The following BAZ2A variants were observed in gnomAD, a reference collection of about 807,000 sequenced individuals.
BAZ2A encodes bromodomain adjacent to zinc finger domain protein 2A.
A neutral mutation model predicts 199.9 loss-of-function variants in BAZ2A; 34 were observed. The ratio of observed to expected loss-of-function variants is 0.17; its 90% CI spans 0.13 to 0.23. BAZ2A has a LOEUF of 0.23. Among genes scored for constraint, BAZ2A ranks in the 10% least tolerant of loss-of-function variants. BAZ2A has a pLI of 1.00. For synonymous variants in BAZ2A, 857 were observed against 883.9 expected (o/e 0.97, Z 0.54); for missense variants, 2,002 against 2,391.1 (o/e 0.84, Z 3.39).
upstream of BAZ2A, among the ~76,000 whole-genome samples, chr12:56,632,215 G>T (rs1214789981): frequency 1.3e-5 from 2 of 152,146 alleles, no homozygotes; most frequent in East Asian, 1.9e-4. Context: ...GAGAAAGGAG[G>T]GCTCTGGCAA....
At chr12:56,623,442 C>T (rs1387888772) in intron 1 of BAZ2A, among the ~76,000 whole-genome samples, 1 of 152,114 alleles carries the variant, frequency 6.6e-6, no homozygotes, top group Non-Finnish European at 1.5e-5. Flanking sequence ...TCATGTAGTA[C>T]ATCAAAATCT....
chr12:56,614,846 G>T, intron 3 of BAZ2A, 168 bp downstream of exon 3: 2 of 723,524 alleles, frequency 2.8e-6, no homozygotes, highest in Non-Finnish European at 2.3e-6. Context: ...TGGTGCTGCT[G>T]CCACAAAAAC....
At chr12:56,625,662 G>T (rs1396287355) in intron 1 of BAZ2A, among the ~76,000 whole-genome samples, 1 of 151,676 alleles carries the variant, frequency 6.6e-6, no homozygotes, top group Non-Finnish European at 1.5e-5. Flanking sequence ...CGGATCATGA[G>T]GTCAGGAGAT....
chr12:56,612,550 T>C (rs185861950), intron 5 of BAZ2A, among the ~76,000 whole-genome samples: 190 of 152,338 alleles, frequency 1.2e-3, no homozygotes, highest in East Asian at 6.7e-3. Flanking sequence ...GGTCGGAGTA[T>C]AGCAGCCTAT....
At chr12:56,628,705 G>C (rs749885211) in intron 1 of BAZ2A, among the ~76,000 whole-genome samples, 2 of 151,990 alleles carry the variant, frequency 1.3e-5, no homozygotes, top group Non-Finnish European at 2.9e-5. Context: ...CCATTTCTTA[G>C]AATCTACCCT....
chr12:56,612,866 C>T, intron 5 of BAZ2A, 149 bp downstream of exon 5: 1 of 856,672 alleles, frequency 1.2e-6, no homozygotes, highest in Non-Finnish European at 1.8e-6. Flanking sequence ...AGGTGATCCA[C>T]CCGCCTCGGC....
At chr12:56,628,881 C>T (rs1273578705) in intron 1 of BAZ2A, among the ~76,000 whole-genome samples, 1 of 152,156 alleles carries the variant, frequency 6.6e-6, no homozygotes, top group African/African-American at 2.4e-5. Flanking sequence ...GCGTACCCCG[C>T]TGGTAGATAA....
intron 10 of BAZ2A, 119 bp from the exon 11 acceptor site, chr12:56,606,852 G>A (rs1267197911): frequency 2.7e-6 from 2 of 747,288 alleles, no homozygotes; most frequent in Non-Finnish European, 4.5e-6. Context: ...AGAATCTAGA[G>A]TAGCTTTTTT....
chr12:56,610,510 T>C lies in BAZ2A; in HGVS notation c.1678A>G (p.Arg560Gly), dbSNP rs1592585652. The part of the protein sequence containing the change: ...VRLPLQHGWR[R>G]EVRIKKGSHR... ...CTGCCCTTCTTGATGCGCACCTCTC[T>C]CCGCCACCTGCCAGAGAAGCACATG... is the stretch of plus-strand genomic sequence containing the variant. Residue 560 changes from arginine (R) to glycine (G), a missense_variant, in exon 8 of 29, where the codon AGA (arginine) becomes GGA (glycine). Transcript: ENST00000549884. The C allele has an allele frequency of 6.2e-7, 1 of 1,610,564 alleles. No individual in the cohort carries two copies. The highest frequency in any genetic ancestry group is 8.5e-7 in the Non-Finnish European group (1 of 1,178,502).
At chr12:56,604,346 G>A in intron 15 of BAZ2A, 55 bp from the exon 16 acceptor site, 1 of 1,523,802 alleles carries the variant, frequency 6.6e-7, no homozygotes, top group Non-Finnish European at 9.0e-7. Context: ...GGGAAAGGAG[G>A]CTCAAGGGTA....
Position 56,611,999 on chromosome 12 carries a change from T to G in BAZ2A, c.1383A>C (p.Pro461=). The G allele has an allele frequency of 6.2e-7, 1 of 1,613,592 alleles. No individual in the cohort carries two copies. The highest frequency in any genetic ancestry group is 8.5e-7 in the Non-Finnish European group (1 of 1,179,774). ...CTGGAGAGACCACTGAGAAGACTGCTGGAGAGACAACTGTAGAAGCTGCGG... is the reference window on the plus strand; with the variant it reads ...CTGGAGAGACCACTGAGAAGACTGCGGGAGAGACAACTGTAGAAGCTGCGG... ...VCPAASTVVS[P]AVFSVVSPAS... The change falls in exon 6 of 29, where the codon CCA becomes CCC. Residue 461 remains proline (P), a synonymous_variant. Transcript: ENST00000549884.
chr12:56,606,360 T>C (rs1408559630), intron 11 of BAZ2A, 48 bp from the exon 12 acceptor site: 1 of 1,605,944 alleles, frequency 6.2e-7, no homozygotes, highest in Non-Finnish European at 8.5e-7. Context: ...TGAAAGCATC[T>C]CTGCTTGGGC....
At chr12:56,607,336 G>A (rs889688816) in intron 10 of BAZ2A, among the ~76,000 whole-genome samples, 8 of 152,170 alleles carry the variant, frequency 5.3e-5, no homozygotes, top group African/African-American at 1.9e-4. Context: ...GCAAACAAGA[G>A]TATTTCATAA....
upstream of BAZ2A, among the ~76,000 whole-genome samples, chr12:56,634,163 T>C (rs1476480058): frequency 6.6e-6 from 1 of 152,144 alleles, no homozygotes; most frequent in East Asian, 1.9e-4. Context: ...GTCGGGGGGC[T>C]TCCTTTGCAT....
Position 56,604,784 on chromosome 12 carries a change from C to A in BAZ2A, c.2764G>T (p.Gly922Trp). Residue 922 changes from glycine (G) to tryptophan (W), a missense_variant, in exon 15 of 29, where the codon GGG (glycine) becomes TGG (tryptophan). By Grantham distance (184) the Gly-to-Trp change is radical (BLOSUM62 -2). Transcript: ENST00000549884. ...AGTGGGATCTCAGACACCTTCTCCC[C>A]CAAGATCTTTAGGGACTGTGTGGAG... ...PSYCQSLKIL[G>W]EKVSEIPLTR... 1 of 1,613,546 alleles carries A rather than the reference C, an allele frequency of 6.2e-7. No homozygotes were observed. Among genetic ancestry groups the A allele is most frequent in the South Asian group, 1.1e-5 (1 of 90,928 alleles).
chr12:56,600,766 T>G lies in BAZ2A; in HGVS notation c.4517A>C (p.Glu1506Ala), dbSNP rs1224816541. Residue 1506 changes from glutamate to alanine, a missense_variant, in exon 23 of 29, where the codon GAG becomes GCG. By Grantham distance (107) the Glu-to-Ala change is moderately radical. Coordinates refer to ENST00000549884, the MANE Select transcript of BAZ2A (RefSeq NM_001300905.2). ...QEGIMSWSPK[E>A]KTYETDLAVL... Reference sequence around the variant, plus strand: ...TGCTAGGTCTGTCTCGTATGTCTTCTCTTTGGGGGACCAGCTCATAATCCC... The same window carrying G: ...TGCTAGGTCTGTCTCGTATGTCTTCGCTTTGGGGGACCAGCTCATAATCCC... 2 of 1,613,866 alleles carry G rather than the reference T, an allele frequency of 1.2e-6. No individual in the cohort carries two copies. Among genetic ancestry groups the G allele is most frequent in the Admixed American group, 1.7e-5 (1 of 60,006 alleles).
intron 13 of BAZ2A, 100 bp from the exon 14 acceptor site, chr12:56,605,427 T>G: frequency 7.8e-7 from 1 of 1,283,782 alleles, no homozygotes. Flanking sequence ...TATGTAATTT[T>G]TTTTTTTTTT....
intron 1 of BAZ2A, chr12:56,621,104 G>T: frequency 1.0e-6 from 1 of 985,294 alleles, no homozygotes; most frequent in Non-Finnish European, 1.2e-6. Context: ...CCTCTCCCCA[G>T]TTTTTTGTAC....
chr12:56,621,100 C>T (rs928910315), intron 1 of BAZ2A: 9 of 985,218 alleles, frequency 9.1e-6, no homozygotes, highest in Non-Finnish European at 1.1e-5. Flanking sequence ...CTCTCCTCTC[C>T]CCAGTTTTTT....
Sources: gnomAD v4.1 joint callset for allele counts (sites outside exome capture counted in the v4.1 genomes callset) on GRCh38, gnomAD v4.1.1 for gene constraint, MANE v1.5 for transcripts, NCBI Gene and HGNC (gene_info 2026-07-23, HGNC 2026-07-21) for gene names.